Variants in MAGT1 observed in about 807,000 individuals in gnomAD.
MAGT1 encodes the protein magnesium transporter 1, also known as dolichyl-diphosphooligosaccharide--protein glycosyltransferase subunit MAGT1.
MAGT1 carries 4 observed loss-of-function variants against 28.4 expected under a neutral mutation model. The observed-to-expected ratio is 0.14, with a 90% CI of 0.07 to 0.32. The LOEUF (loss-of-function observed/expected upper bound fraction) is 0.32, where lower values mean the gene tolerates loss of function less well. MAGT1 is among the 10% of genes least tolerant of loss of function. The pLI, the probability that MAGT1 is intolerant of heterozygous loss-of-function variation, is 1.00. For synonymous variants in MAGT1, 89 were observed against 89.7 expected, an observed-to-expected ratio of 0.99 and a Z score of 0.04; for missense variants, 193 against 264.5, an observed-to-expected ratio of 0.73 and a Z score of 1.88.
At chrX:77,844,057 G>A (rs1025771475) in intron 7 of MAGT1, among the ~76,000 whole-genome samples, 1 of 111,410 alleles carries the variant, frequency 9.0e-6, no homozygotes, top group Non-Finnish European at 1.9e-5. Context: ...GTAGAATTTG[G>A]CTGTGAATCC....
At chrX:77,876,159 TATA>T in intron 1 of MAGT1, among the ~76,000 whole-genome samples, 1 of 31,100 alleles carries the variant, frequency 3.2e-5, no homozygotes, top group African/African-American at 1.1e-4. Flanking sequence ...TATATATATA[TATA>T]TATTTTTTTT....
intron 1 of MAGT1, among the ~76,000 whole-genome samples, chrX:77,889,592 C>T (rs1459420596): frequency 1.8e-5 from 2 of 108,191 alleles, no homozygotes; most frequent in Non-Finnish European, 3.8e-5. Flanking sequence ...AGGATGGTCT[C>T]GATCTCCTGA....
intron 1 of MAGT1, among the ~76,000 whole-genome samples, chrX:77,877,753 C>T (rs909562060): frequency 7.5e-5 from 8 of 107,073 alleles, no homozygotes; most frequent in Non-Finnish European, 1.2e-4. Context: ...GCGGAGGTTG[C>T]GGTGAGCCGA....
chrX:77,878,148 G>T (rs2077040942), intron 1 of MAGT1, among the ~76,000 whole-genome samples: 1 of 106,358 alleles, frequency 9.4e-6, no homozygotes, highest in African/African-American at 3.4e-5. Context: ...AATTAGCTGG[G>T]CATGGTGGCA....
rs374080895 is a variant in MAGT1, at chrX:77,859,348, T to C, written c.391-1851A>G. Among the ~76,000 whole-genome samples the C allele has an allele frequency of 7.1e-5, 8 of 112,751 alleles. No homozygotes were observed. The East Asian group carries it at 2.2e-3, about 31-fold the overall frequency. Reference sequence around the variant, plus strand: ...CCACAGTTACCATTTACAGATATTTTTGAATTTATTCATATATATGTTTAT... The same window carrying C: ...CCACAGTTACCATTTACAGATATTTCTGAATTTATTCATATATATGTTTAT... On this transcript the variant is annotated intron_variant, in intron 3 of 9. Coordinates refer to ENST00000618282, the MANE Select transcript of MAGT1 (RefSeq NM_001367916.1).
intron 7 of MAGT1, among the ~76,000 whole-genome samples, chrX:77,850,193 G>A (rs2076963393): frequency 9.0e-6 from 1 of 110,780 alleles, no homozygotes; most frequent in Non-Finnish European, 1.9e-5. Flanking sequence ...AAGAAAGTGG[G>A]GGCCGGGTGA....
At chrX:77,872,360 C>T in intron 2 of MAGT1, among the ~76,000 whole-genome samples, 1 of 111,723 alleles carries the variant, frequency 9.0e-6, no homozygotes, top group Admixed American at 9.6e-5. Context: ...AATCCTTACA[C>T]TGCAATATAC....
intron 1 of MAGT1, among the ~76,000 whole-genome samples, chrX:77,880,398 G>A (rs1050964169): frequency 7.4e-5 from 8 of 108,177 alleles, no homozygotes; most frequent in South Asian, 4.2e-4. Context: ...GCGTGATGGC[G>A]GGTGCCTGTA....
intron 8 of MAGT1, among the ~76,000 whole-genome samples, chrX:77,840,900 T>C (rs1315291647): frequency 8.9e-6 from 1 of 112,091 alleles, no homozygotes; most frequent in Non-Finnish European, 1.9e-5. Context: ...GAAAAAGTTA[T>C]TAGTTATTTA....
At chrX:77,832,822 CAAAAAAAAAAAAA>C (rs72197791) in intron 8 of MAGT1, among the ~76,000 whole-genome samples, 2 of 32,351 alleles carry the variant, frequency 6.2e-5, no homozygotes, top group Admixed American at 1.1e-3. Context: ...GCCTCTGTCT[CAAAAAAAAAAAAA>C]AAAAAAAAAA....
intron 8 of MAGT1, among the ~76,000 whole-genome samples, chrX:77,835,131 TA>T (rs2076912603): frequency 9.2e-6 from 1 of 108,855 alleles, no homozygotes; most frequent in Non-Finnish European, 1.9e-5. Context: ...AATTTTTTTG[TA>T]TTTTTTTTCA....
At chrX:77,890,037 T>A (rs1569548339) in intron 1 of MAGT1, among the ~76,000 whole-genome samples, 1 of 112,501 alleles carries the variant, frequency 8.9e-6, no homozygotes, top group Admixed American at 9.5e-5. Flanking sequence ...AATGTTTGTC[T>A]TTCTGTGCTC....
In MAGT1 at chrX:77,826,888, G is replaced by T. The variant is rs1023646724; in HGVS notation, c.*2332C>A. On this transcript the variant is annotated 3_prime_UTR_variant, in exon 10 of 10. Coordinates refer to ENST00000618282, the MANE Select transcript of MAGT1 (RefSeq NM_001367916.1). ...AGTGAGTAATTAACAAAAACTGGCT[G>T]CTCCATTAAAAAGTAAAAGGTCAAC... is the stretch of plus-strand genomic sequence containing the variant. 1 of 111,441 alleles carries T rather than the reference G, an allele frequency of 9.0e-6. No individual in the cohort carries two copies. Among genetic ancestry groups the T allele is most frequent in the Non-Finnish European group, 1.9e-5 (1 of 53,102 alleles). 9.2% of individuals were successfully genotyped at this position (111,441 alleles called of 1,213,427 possible). A position where few individuals can be genotyped will look rare whatever the true frequency, so the allele number is the denominator to read the frequency against.
At chrX:77,858,938 G>T (rs1299433360) in intron 3 of MAGT1, among the ~76,000 whole-genome samples, 2 of 110,584 alleles carry the variant, frequency 1.8e-5, no homozygotes, top group East Asian at 5.6e-4. Flanking sequence ...GGCCGGGTGC[G>T]GTGGCTCACA....
rs1336780268 is a variant in MAGT1 at position 77,860,090 on chromosome X, G to GT, written c.391-2594dup. Among the ~76,000 whole-genome samples the GT allele has an allele frequency of 4.9e-4, 54 of 109,669 alleles. No individual in the cohort carries two copies. In the East Asian group the frequency reaches 9.2e-3, roughly 19 times the overall value. ...AAATTAGTTATCTGAAAACATCTTT[G>GT]TTTTTTTTTCTTGAGAAGGAGTCTC... On this transcript the variant is annotated intron_variant, in intron 3 of 9. Coordinates refer to ENST00000618282, the MANE Select transcript of MAGT1 (RefSeq NM_001367916.1).
chrX:77,864,168 C>T (rs1569548101), intron 3 of MAGT1, among the ~76,000 whole-genome samples: 1 of 103,854 alleles, frequency 9.6e-6, no homozygotes, highest in African/African-American at 3.5e-5. Flanking sequence ...GGCATGTTCT[C>T]ATATGTGGGA....
intron 1 of MAGT1, among the ~76,000 whole-genome samples, chrX:77,892,170 C>T (rs2077084582): frequency 9.0e-6 from 1 of 111,623 alleles, no homozygotes; most frequent in Non-Finnish European, 1.9e-5. Context: ...GCTGGGATTA[C>T]AGGCGTGAGC....
Position 77,828,566 on chromosome X carries a change from A to C in MAGT1, c.*654T>G, listed in dbSNP as rs1165463899. 9.0e-6 allele frequency: 1 copy of C among 111,163 alleles called. No homozygotes were observed. Among genetic ancestry groups the C allele is most frequent in the African/African-American group, 3.3e-5 (1 of 30,528 alleles). 9.2% of individuals were successfully genotyped at this position (111,163 alleles called of 1,213,427 possible). A position where few individuals can be genotyped will look rare whatever the true frequency, so the allele number is the denominator to read the frequency against. On this transcript the variant is annotated 3_prime_UTR_variant, in exon 10 of 10. Transcript: ENST00000618282. ...TGTGTGACACAGCGAGACCGTCTCA[A>C]AAAAACAACAAAACAAAAACAATCA...
chrX:77,878,665 T>C (rs1223028150), intron 1 of MAGT1, among the ~76,000 whole-genome samples: 1 of 105,749 alleles, frequency 9.5e-6, no homozygotes, highest in Admixed American at 1.0e-4. Context: ...GGCGGGTGCC[T>C]GTAATCCCAG....
Sources: allele counts gnomAD v4.1 joint callset (sites outside exome capture counted in the v4.1 genomes callset), GRCh38; gene constraint gnomAD v4.1.1; transcripts MANE v1.5; gene names NCBI Gene and HGNC (gene_info 2026-07-23, HGNC 2026-07-21).